HNRNPK: variants seen among roughly 807,000 people sequenced by gnomAD.
The protein encoded by HNRNPK is dC-stretch binding protein.
A neutral mutation model predicts 67.0 loss-of-function variants in HNRNPK; 7 were observed. The observed-to-expected ratio is 0.10, with a 90% CI of 0.06 to 0.20. The LOEUF (loss-of-function observed/expected upper bound fraction) is 0.20, where lower values mean the gene tolerates loss of function less well. HNRNPK is among the 10% of genes least tolerant of loss of function. HNRNPK has a pLI of 1.00. For synonymous variants in HNRNPK, 213 were observed against 193.7 expected, an observed-to-expected ratio of 1.10 and a Z score of -0.83; for missense variants, 264 against 606.5, an observed-to-expected ratio of 0.44 and a Z score of 5.93.
intron 15 of HNRNPK, 24 bp downstream of exon 15, chr9:83,970,713 C>G: frequency 7.7e-7 from 1 of 1,299,448 alleles, no homozygotes; most frequent in Non-Finnish European, 1.1e-6. Flanking sequence ...ATAAAATGTT[C>G]CTGGTAGTAT....
chr9:83,971,089 G>A, intron 13 of HNRNPK, 177 bp from the exon 14 acceptor site: 2 of 721,374 alleles, frequency 2.8e-6, no homozygotes, highest in South Asian at 3.3e-5. Flanking sequence ...TTATGAGTGA[G>A]CACCACTGCA....
chr9:83,970,117 G>A, intron 16 of HNRNPK, 45 bp downstream of exon 16: 2 of 1,487,394 alleles, frequency 1.3e-6, no homozygotes, highest in South Asian at 1.2e-5. Context: ...GCTTTTTAAA[G>A]GTTTTAGTAT....
chr9:83,970,367 T>C (rs973796758), intron 15 of HNRNPK, 36 bp from the exon 16 acceptor site: 2 of 1,514,264 alleles, frequency 1.3e-6, no homozygotes, highest in African/African-American at 1.4e-5. Context: ...GTTTACGATA[T>C]ACTTTTAACA....
chr9:83,980,027 C>A (rs556032745), intron 1 of HNRNPK, 126 bp downstream of exon 1: 2 of 152,858 alleles, frequency 1.3e-5, no homozygotes, highest in South Asian at 2.1e-4. Flanking sequence ...GAGGGGACAC[C>A]GGGCAACGTT....
chr9:83,979,936 C>T (rs1289787154), intron 1 of HNRNPK, among the ~76,000 whole-genome samples: 1 of 152,208 alleles, frequency 6.6e-6, no homozygotes, highest in Non-Finnish European at 1.5e-5. Flanking sequence ...ATCCTAGAGG[C>T]ACATGCCTCA....
intron 13 of HNRNPK, 23 bp from the exon 14 acceptor site, chr9:83,970,935 A>G (rs1956803519): frequency 1.2e-6 from 2 of 1,609,992 alleles, no homozygotes; most frequent in Admixed American, 3.3e-5. Context: ...AGAAAAAAAT[A>G]GAAAATTACT....
chr9:83,969,193 CCT>C lies in HNRNPK; in HGVS notation c.*212_*213del. The C allele has an allele frequency of 1.8e-6, 1 of 569,306 alleles. No homozygotes were observed. Among genetic ancestry groups the C allele is most frequent in the South Asian group, 2.6e-5 (1 of 38,762 alleles). 35.3% of individuals were successfully genotyped at this position (569,306 alleles called of 1,614,324 possible). ...TTTGCACGCCCTTCCCCCCCCCAAC[CCT>C]GTTTGTAAGGAACTAAAACATTACA... On this transcript the variant is annotated 3_prime_UTR_variant, in exon 17 of 17. Coordinates refer to ENST00000376263, the MANE Select transcript of HNRNPK (RefSeq NM_031263.4).
intron 6 of HNRNPK, 146 bp downstream of exon 6, chr9:83,975,316 A>C (rs1957028295): frequency 1.2e-5 from 9 of 755,364 alleles, no homozygotes; most frequent in Non-Finnish European, 1.8e-5. Flanking sequence ...TCAGTGACAA[A>C]AAGACTTAAT....
At chr9:83,978,302 G>C in intron 2 of HNRNPK, 23 bp from the exon 3 acceptor site, 15 of 1,457,618 alleles carry the variant, frequency 1.0e-5, no homozygotes, top group Non-Finnish European at 1.4e-5. Context: ...AAAGCAGCTA[G>C]TACATTTGGC....
At chr9:83,970,493 T>G in intron 15 of HNRNPK, 162 bp from the exon 16 acceptor site, 1 of 661,372 alleles carries the variant, frequency 1.5e-6, no homozygotes, top group Non-Finnish European at 2.6e-6. Flanking sequence ...TGTATTTATG[T>G]CACACTTACT....
chr9:83,972,319 G>A (rs1279592397), intron 10 of HNRNPK, 130 bp from the exon 11 acceptor site: 2 of 676,886 alleles, frequency 3.0e-6, no homozygotes, highest in Non-Finnish European at 4.9e-6. Context: ...GACAGAAACA[G>A]GAATTATGTC....
chr9:83,971,808 A>G, intron 11 of HNRNPK, 74 bp downstream of exon 11: 5 of 1,586,006 alleles, frequency 3.2e-6, no homozygotes, highest in Non-Finnish European at 4.3e-6. Flanking sequence ...TCTACCACTA[A>G]GTGCAGCCTC....
In HNRNPK at chr9:83,973,842, T is replaced by C. The variant is rs1221182163; in HGVS notation, c.402+60A>G. 4.9e-6 allele frequency: 6 copies of C among 1,231,716 alleles called. No homozygotes were observed. The East Asian group carries it at 1.2e-4, about 24-fold the overall frequency. 76.3% of individuals were successfully genotyped at this position (1,231,716 alleles called of 1,614,324 possible). ...GGAAAAGCACACTATGTTAAAAATA[T>C]AATCGATCCTATGGGCCAGGCTCCA... On this transcript the variant is annotated intron_variant, in intron 8 of 16. Transcript: ENST00000376263.
intron 2 of HNRNPK, 28 bp from the exon 3 acceptor site, chr9:83,978,307 T>C (rs1957165003): frequency 1.3e-6 from 2 of 1,548,148 alleles, no homozygotes; most frequent in Non-Finnish European, 1.7e-6. Flanking sequence ...AGCTAGTACA[T>C]TTGGCTTATT....
chr9:83,976,266 G>A (rs967251767), intron 5 of HNRNPK, among the ~76,000 whole-genome samples: 1 of 152,012 alleles, frequency 6.6e-6, no homozygotes, highest in South Asian at 2.1e-4. Flanking sequence ...ATAAGTACTC[G>A]ACACAAAGTT....
At chr9:83,973,800 CT>C in intron 8 of HNRNPK, 101 bp downstream of exon 8, 1 of 852,156 alleles carries the variant, frequency 1.2e-6, no homozygotes. Context: ...GTTTTTAAGC[CT>C]TTTTCTATAG....
At chr9:83,975,831 A>C in intron 5 of HNRNPK, 1 of 332,666 alleles carries the variant, frequency 3.0e-6, no homozygotes, top group Non-Finnish European at 5.7e-6. Flanking sequence ...TAACACAATA[A>C]TGGACTTCTC....
At position 83,972,227 on chromosome 9, in the gene HNRNPK, A is replaced by G. The variant is rs773510195; in HGVS notation, c.646-38T>C. The G allele has an allele frequency of 8.9e-6, 13 of 1,453,772 alleles. No homozygotes were observed. In the South Asian group the frequency reaches 1.4e-4, roughly 16 times the overall value. The allele number at this position is 1,453,772 out of a possible 1,614,324, so 90.1% of individuals were successfully genotyped here. A position where few individuals can be genotyped will look rare whatever the true frequency, so the allele number is the denominator to read the frequency against. Reference sequence around the variant, plus strand: ...ATGGAACAAACTTACAGACTGAAGAAAAAGAGTCCTGCTTCATACCAATCC... The same window carrying G: ...ATGGAACAAACTTACAGACTGAAGAGAAAGAGTCCTGCTTCATACCAATCC... On this transcript the variant is annotated intron_variant, in intron 10 of 16. Coordinates refer to ENST00000376263, the MANE Select transcript of HNRNPK (RefSeq NM_031263.4).
chr9:83,977,875 G>A (rs1426111816), intron 3 of HNRNPK, 89 bp from the exon 4 acceptor site: 2 of 831,502 alleles, frequency 2.4e-6, no homozygotes, highest in Non-Finnish European at 3.9e-6. Context: ...GCTAATCTTA[G>A]GCATGTTTTG....
Sources: allele counts gnomAD v4.1 joint callset (sites outside exome capture counted in the v4.1 genomes callset), GRCh38; gene constraint gnomAD v4.1.1; transcripts MANE v1.5; gene names NCBI Gene and HGNC (gene_info 2026-07-23, HGNC 2026-07-21).